Variants in HS6ST3 observed in about 807,000 individuals in gnomAD.
HS6ST3 encodes the protein heparan sulfate 6-O-sulfotransferase 3.
HS6ST3 carries 12 observed loss-of-function variants against 36.7 expected under a neutral mutation model. The observed-to-expected ratio is 0.33, with a 90% confidence interval of 0.21 to 0.53. The LOEUF (loss-of-function observed/expected upper bound fraction) is 0.53. Ranked by LOEUF, HS6ST3 falls within the 20% of genes least tolerant of loss-of-function variation. The pLI, the probability that HS6ST3 is intolerant of heterozygous loss-of-function variation, is 0.95. For synonymous variants in HS6ST3, 240 were observed against 257.5 expected (o/e 0.93, Z 0.65); for missense variants, 584 against 640.9 (o/e 0.91, Z 0.96).
intron 1 of HS6ST3, among the ~76,000 whole-genome samples, chr13:96,311,074 G>T (rs1178817783): frequency 1.3e-5 from 2 of 152,112 alleles, no homozygotes; most frequent in Non-Finnish European, 2.9e-5. Context: ...TAAGCAAAAA[G>T]TACTCTAATG....
At chr13:96,621,751 G>T (rs529435064) in intron 1 of HS6ST3, among the ~76,000 whole-genome samples, 1 of 152,242 alleles carries the variant, frequency 6.6e-6, no homozygotes, top group South Asian at 2.1e-4. Context: ...TGGTTTGTTT[G>T]ATTTGCCTTA....
chr13:96,390,616 C>A (rs1415224685), intron 1 of HS6ST3, among the ~76,000 whole-genome samples: 2 of 152,208 alleles, frequency 1.3e-5, no homozygotes, highest in Admixed American at 1.3e-4. Context: ...CAGACACATA[C>A]AATATCCTGA....
chr13:96,159,243 G>A (rs1456219290), intron 1 of HS6ST3, among the ~76,000 whole-genome samples: 1 of 152,158 alleles, frequency 6.6e-6, no homozygotes, highest in African/African-American at 2.4e-5. Flanking sequence ...GATCAATGAA[G>A]GTGAAAAGGA....
At chr13:96,746,937 T>C (rs1318121486) in intron 1 of HS6ST3, among the ~76,000 whole-genome samples, 1 of 152,066 alleles carries the variant, frequency 6.6e-6, no homozygotes, top group Non-Finnish European at 1.5e-5. Flanking sequence ...CTAATAGATA[T>C]TTTTGGTTTG....
chr13:96,566,267 G>A (rs1374615375), intron 1 of HS6ST3, among the ~76,000 whole-genome samples: 2 of 151,926 alleles, frequency 1.3e-5, no homozygotes, highest in Non-Finnish European at 2.9e-5. Context: ...TAGAGAGACT[G>A]AAAGATAATG....
chr13:96,657,543 A>C (rs1198397748), intron 1 of HS6ST3, among the ~76,000 whole-genome samples: 3 of 152,174 alleles, frequency 2.0e-5, no homozygotes, highest in African/African-American at 7.2e-5. Context: ...TAAGCAGTTT[A>C]AGATCAGAAC....
Position 96,090,802 on chromosome 13 carries a change from C to A in HS6ST3, c.-61C>A. On this transcript the variant is annotated 5_prime_UTR_variant, in exon 1 of 2. Transcript: ENST00000376705. ...GGAGTCCGCGAAACTTCCGAGCGGG[C>A]GCCCGTCCGCCCTGCCGCCGCCGCC... 1 of 1,366,176 alleles carries A rather than the reference C, an allele frequency of 7.3e-7. No homozygotes were observed. The highest frequency in any genetic ancestry group is 9.5e-7 in the Non-Finnish European group (1 of 1,048,894). 84.6% of individuals were successfully genotyped at this position (1,366,176 alleles called of 1,614,324 possible).
intron 1 of HS6ST3, among the ~76,000 whole-genome samples, chr13:96,183,518 C>T (rs1420015034): frequency 2.6e-5 from 4 of 152,140 alleles, no homozygotes; most frequent in Non-Finnish European, 4.4e-5. Context: ...CTACTCTTTC[C>T]CTTTCAATTT....
chr13:96,732,821 A>AATTTCTTTCT, intron 1 of HS6ST3, among the ~76,000 whole-genome samples: 1 of 73,052 alleles, frequency 1.4e-5, no homozygotes, highest in African/African-American at 9.1e-5. Flanking sequence ...TGTGACTTCC[A>AATTTCTTTCT]TCAACGTTTT....
chr13:96,574,021 C>A (rs562212796), intron 1 of HS6ST3: 5 of 542,988 alleles, frequency 9.2e-6, no homozygotes, highest in South Asian at 4.1e-5. Context: ...TCACCAATGA[C>A]CCCTGTCTGC....
chr13:96,535,035 G>A (rs1300504933), intron 1 of HS6ST3, among the ~76,000 whole-genome samples: 1 of 152,154 alleles, frequency 6.6e-6, no homozygotes, highest in African/African-American at 2.4e-5. Flanking sequence ...GGCCTGCCCA[G>A]CTGTGTATTG....
At chr13:96,715,579 C>A (rs1166932099) in intron 1 of HS6ST3, among the ~76,000 whole-genome samples, 1 of 152,042 alleles carries the variant, frequency 6.6e-6, no homozygotes, top group Non-Finnish European at 1.5e-5. Flanking sequence ...GACTTTCTTT[C>A]ATTTTTTGTA....
chr13:96,733,368 T>C (rs1876206844), intron 1 of HS6ST3, among the ~76,000 whole-genome samples: 1 of 152,224 alleles, frequency 6.6e-6, no homozygotes, highest in Non-Finnish European at 1.5e-5. Flanking sequence ...CAAATGCTTT[T>C]TCTATATCTA....
chr13:96,617,897 G>T (rs1461180478), intron 1 of HS6ST3, among the ~76,000 whole-genome samples: 1 of 152,184 alleles, frequency 6.6e-6, no homozygotes. Flanking sequence ...CTCTTAATAT[G>T]AAGTATTCTC....
At chr13:96,397,937 C>G (rs1450112965) in intron 1 of HS6ST3, among the ~76,000 whole-genome samples, 1 of 152,182 alleles carries the variant, frequency 6.6e-6, no homozygotes, top group Non-Finnish European at 1.5e-5. Context: ...GCTGAGTAAT[C>G]TAGTTTCTAA....
At chr13:96,133,504 C>T (rs999674115) in intron 1 of HS6ST3, among the ~76,000 whole-genome samples, 3 of 152,102 alleles carry the variant, frequency 2.0e-5, no homozygotes, top group Non-Finnish European at 4.4e-5. Flanking sequence ...CTCACTGGAA[C>T]CTCTGCCTCC....
rs1266007924 is a variant in HS6ST3 at position 96,193,650 on chromosome 13, A to C, written c.707+102081A>C. On this transcript the variant is annotated intron_variant, in intron 1 of 1. Coordinates refer to ENST00000376705, the MANE Select transcript of HS6ST3 (RefSeq NM_153456.4). Reference sequence around the variant, plus strand: ...GGAGCAGATGTTACAGATTTTAAAAAGAAATCTGAGAGGAGAAAAAGAAAG... The same window carrying C: ...GGAGCAGATGTTACAGATTTTAAAACGAAATCTGAGAGGAGAAAAAGAAAG... Among the ~76,000 whole-genome samples, 5 of 152,328 alleles carry C rather than the reference A, an allele frequency of 3.3e-5. No individual in the cohort carries two copies. In the South Asian group the frequency reaches 6.2e-4, roughly 19 times the overall value.
At chr13:96,338,743 C>T (rs2055114730) in intron 1 of HS6ST3, among the ~76,000 whole-genome samples, 1 of 152,108 alleles carries the variant, frequency 6.6e-6, no homozygotes, top group African/African-American at 2.4e-5. Flanking sequence ...CTCTCTCCTT[C>T]TCTCTCTTTA....
At chr13:96,752,410 C>T (rs1198046921) in intron 1 of HS6ST3, among the ~76,000 whole-genome samples, 1 of 152,128 alleles carries the variant, frequency 6.6e-6, no homozygotes, top group African/African-American at 2.4e-5. Flanking sequence ...TTTTAACACA[C>T]CCACCAGCAG....
Sources: gnomAD v4.1 joint callset for allele counts (sites outside exome capture counted in the v4.1 genomes callset) on GRCh38, gnomAD v4.1.1 for gene constraint, MANE v1.5 for transcripts, NCBI Gene and HGNC (gene_info 2026-07-23, HGNC 2026-07-21) for gene names.